Variants in CFAP299 observed in about 807,000 individuals in gnomAD.
The protein encoded by CFAP299 is cilia- and flagella-associated protein 299.
Under a neutral mutation model 27.0 loss-of-function variants are expected in CFAP299, and 21 were observed. The ratio of observed to expected loss-of-function variants is 0.78; its 90% CI spans 0.55 to 1.12. The LOEUF (loss-of-function observed/expected upper bound fraction) is 1.12. CFAP299 is among the 50% of genes most tolerant of loss of function. The pLI, the probability that CFAP299 is intolerant of heterozygous loss-of-function variation, is 0.00. For synonymous variants in CFAP299, 104 were observed against 98.1 expected (o/e 1.06, Z -0.36); for missense variants, 310 against 276.6 (o/e 1.12, Z -0.86).
intron 2 of CFAP299, among the ~76,000 whole-genome samples, chr4:80,417,201 A>T (rs2110066526): frequency 6.6e-6 from 1 of 152,180 alleles, no homozygotes; most frequent in East Asian, 1.9e-4. Flanking sequence ...GGTGGGGGTG[A>T]TTTCTAGCAT....
At chr4:80,643,654 A>T (rs1739839502) in intron 3 of CFAP299, among the ~76,000 whole-genome samples, 1 of 152,142 alleles carries the variant, frequency 6.6e-6, no homozygotes, top group African/African-American at 2.4e-5. Context: ...ATCCTATATG[A>T]TAAGGGGAAG....
Position 80,604,503 on chromosome 4 carries a change from G to T in CFAP299, c.333+21320G>T, listed in dbSNP as rs181629202. On this transcript the variant is annotated intron_variant, in intron 3 of 5. Coordinates refer to ENST00000358105, the MANE Select transcript of CFAP299 (RefSeq NM_152770.3). ...ACAAGCTGACAATTGAAACTCAAGA[G>T]GTATCTTCACCTAGCTTTCAAAGTG... Among the ~76,000 whole-genome samples, 188 of 152,256 alleles carry T rather than the reference G, an allele frequency of 1.2e-3. 2 individuals are homozygous for T. Among genetic ancestry groups the T allele is most frequent in the African/African-American group, 4.3e-3 (178 of 41,560 alleles).
chr4:80,675,565 C>T (rs915343201), intron 3 of CFAP299, among the ~76,000 whole-genome samples: 5 of 152,218 alleles, frequency 3.3e-5, no homozygotes, highest in African/African-American at 1.2e-4. Context: ...CCACTGCTCT[C>T]TTCAGAGCTG....
At chr4:80,883,231 T>C (rs866580882) in intron 4 of CFAP299, among the ~76,000 whole-genome samples, 1 of 152,126 alleles carries the variant, frequency 6.6e-6, no homozygotes, top group Non-Finnish European at 1.5e-5. Context: ...AAATGGACTG[T>C]TATAACTAAA....
intron 4 of CFAP299, among the ~76,000 whole-genome samples, chr4:80,917,430 C>T (rs377563500): frequency 1.3e-5 from 2 of 151,974 alleles, no homozygotes; most frequent in East Asian, 3.9e-4. Flanking sequence ...ATTTTGAATG[C>T]CTTTTGGTTT....
In CFAP299 at chr4:80,942,375, A is replaced by C. The variant is rs1737242314; in HGVS notation, c.477-2435A>C. On this transcript the variant is annotated intron_variant, in intron 4 of 5. Coordinates refer to ENST00000358105, the MANE Select transcript of CFAP299 (RefSeq NM_152770.3). ...TGTCAGTTCTACATGAATACAATGG[A>C]TATTTTATACCTACTCCATGGATTT... 2.0e-5 allele frequency among the ~76,000 whole-genome samples: 3 copies of C among 152,258 alleles called. No homozygotes were observed. In the South Asian group the frequency reaches 6.2e-4, roughly 32 times the overall value.
chr4:80,838,302 A>C (rs918897878), intron 3 of CFAP299, among the ~76,000 whole-genome samples: 2 of 152,050 alleles, frequency 1.3e-5, no homozygotes, highest in Non-Finnish European at 2.9e-5. Flanking sequence ...TTTTGTTGCC[A>C]TTGCTTTTGG....
At chr4:80,943,638 ATATTT>A (rs976298473) in intron 4 of CFAP299, among the ~76,000 whole-genome samples, 1 of 152,140 alleles carries the variant, frequency 6.6e-6, no homozygotes, top group African/African-American at 2.4e-5. Flanking sequence ...TTTTTATTTT[ATATTT>A]TATAAGATAT....
At position 80,799,721 on chromosome 4, in the gene CFAP299, A is replaced by AT. The variant is rs1481221968; in HGVS notation, c.334-70268dup. Among the ~76,000 whole-genome samples the AT allele has an allele frequency of 4.6e-3, 252 of 55,198 alleles. 12 individuals carry two copies. Among genetic ancestry groups the AT allele is most frequent in the African/African-American group, 0.02 (241 of 11,914 alleles). 36.2% of individuals were successfully genotyped at this position (55,198 alleles called of 152,430 possible). A position where few individuals can be genotyped will look rare whatever the true frequency, so the allele number is the denominator to read the frequency against. On this transcript the variant is annotated intron_variant, in intron 3 of 5. Coordinates refer to ENST00000358105, the MANE Select transcript of CFAP299 (RefSeq NM_152770.3). Reference sequence around the variant, plus strand: ...ATAAAATATATATTTTATATATTATATTTTATAAATATATATATTTTTATA... The same window carrying AT: ...ATAAAATATATATTTTATATATTATATTTTTATAAATATATATATTTTTATA...
At chr4:80,718,890 T>C (rs1294858170) in intron 3 of CFAP299, among the ~76,000 whole-genome samples, 1 of 152,090 alleles carries the variant, frequency 6.6e-6, no homozygotes, top group African/African-American at 2.4e-5. Flanking sequence ...TAATGTGCTT[T>C]GAATGTCCAT....
At chr4:80,520,280 T>C (rs1323757704) in intron 2 of CFAP299, among the ~76,000 whole-genome samples, 1 of 152,194 alleles carries the variant, frequency 6.6e-6, no homozygotes, top group East Asian at 1.9e-4. Flanking sequence ...TCATTTTATC[T>C]CCTCTAAGCA....
At chr4:80,809,555 CT>C (rs1236994858) in intron 3 of CFAP299, among the ~76,000 whole-genome samples, 7 of 152,220 alleles carry the variant, frequency 4.6e-5, no homozygotes, top group African/African-American at 1.7e-4. Context: ...TGCCACCACC[CT>C]AGTGCAGGCC....
chr4:80,880,784 T>C (rs2110176133), intron 4 of CFAP299, among the ~76,000 whole-genome samples: 1 of 151,864 alleles, frequency 6.6e-6, no homozygotes, highest in African/African-American at 2.4e-5. Flanking sequence ...TTTAAAAAGA[T>C]GAAATTTTAC....
At chr4:80,685,160 G>C (rs1464794245) in intron 3 of CFAP299, among the ~76,000 whole-genome samples, 5 of 152,130 alleles carry the variant, frequency 3.3e-5, no homozygotes, top group African/African-American at 1.2e-4. Context: ...AGACAAAAGA[G>C]ACTCTTGGGC....
chr4:80,748,749 T>C (rs1724759108), intron 3 of CFAP299, among the ~76,000 whole-genome samples: 1 of 152,178 alleles, frequency 6.6e-6, no homozygotes, highest in Non-Finnish European at 1.5e-5. Flanking sequence ...CAATATTATC[T>C]CTAAAATTCT....
At chr4:80,335,604 A>G, upstream of CFAP299, 1 of 633,134 alleles carries the variant, frequency 1.6e-6, no homozygotes, top group Non-Finnish European at 2.9e-6. Flanking sequence ...AAGTTTTCAC[A>G]GGAGTGAGGC....
chr4:80,583,983 A>G (rs998891986), intron 3 of CFAP299, among the ~76,000 whole-genome samples: 2 of 151,996 alleles, frequency 1.3e-5, no homozygotes, highest in African/African-American at 4.8e-5. Flanking sequence ...TCCCACTATC[A>G]GGTCCACTGA....
At chr4:80,331,314 C>A (rs1303770877), upstream of CFAP299, among the ~76,000 whole-genome samples, 1 of 152,102 alleles carries the variant, frequency 6.6e-6, no homozygotes, top group East Asian at 1.9e-4. Flanking sequence ...AAAGACAAAA[C>A]AAAACTGTAC....
At chr4:80,386,075 C>T (rs1252733396) in intron 2 of CFAP299, 2 of 444,712 alleles carry the variant, frequency 4.5e-6, no homozygotes, top group Non-Finnish European at 8.0e-6. Flanking sequence ...GCCAATGGCT[C>T]GATGGCTCGC....
Sources: allele counts gnomAD v4.1 joint callset (sites outside exome capture counted in the v4.1 genomes callset), GRCh38; gene constraint gnomAD v4.1.1; transcripts MANE v1.5; gene names NCBI Gene and HGNC (gene_info 2026-07-23, HGNC 2026-07-21).